DPP10: variants seen among roughly 807,000 people sequenced by gnomAD.
DPP10 encodes the protein dipeptidyl peptidase like 10.
A neutral mutation model predicts 120.9 loss-of-function variants in DPP10; 33 were observed. That is an observed-to-expected ratio of 0.27 (90% CI 0.21 to 0.37). The LOEUF is 0.37. Ranked by LOEUF, DPP10 falls within the 10% of genes least tolerant of loss-of-function variation. The probability of loss-of-function intolerance (pLI) is 1.00; values close to 1 mark genes in which losing one functional copy is unlikely to be tolerated. For missense variants in DPP10, 816 were observed against 942.8 expected (o/e 0.87, Z 1.76); for synonymous variants, 337 against 326.1 (o/e 1.03, Z -0.36).
At chr2:115,679,371 T>G (rs2090497237) in intron 5 of DPP10, among the ~76,000 whole-genome samples, 1 of 152,174 alleles carries the variant, frequency 6.6e-6, no homozygotes, top group Non-Finnish European at 1.5e-5. Context: ...TCAGGAGATC[T>G]GATGGTTTTA....
intron 1 of DPP10, among the ~76,000 whole-genome samples, chr2:114,505,826 A>G (rs1190648622): frequency 6.6e-6 from 1 of 152,124 alleles, no homozygotes; most frequent in Non-Finnish European, 1.5e-5. Context: ...ATGAACTTAT[A>G]TGGTAGCTGT....
At chr2:115,639,447 A>G (rs191295478) in intron 5 of DPP10, among the ~76,000 whole-genome samples, 43 of 152,300 alleles carry the variant, frequency 2.8e-4, no homozygotes, top group African/African-American at 8.9e-4. Flanking sequence ...ACAGTGGCAA[A>G]CAGGAGTAAC....
At chr2:115,416,179 A>T (rs983351687) in intron 3 of DPP10, among the ~76,000 whole-genome samples, 1 of 152,086 alleles carries the variant, frequency 6.6e-6, no homozygotes, top group African/African-American at 2.4e-5. Context: ...GGCCACCCCA[A>T]TGGCTGTCAA....
At chr2:115,518,515 T>C (rs1400262234) in intron 4 of DPP10, among the ~76,000 whole-genome samples, 1 of 152,130 alleles carries the variant, frequency 6.6e-6, no homozygotes, top group African/African-American at 2.4e-5. Context: ...TTTTTTTACT[T>C]AATATTGGAC....
chr2:114,776,139 A>C (rs556757408), intron 1 of DPP10, among the ~76,000 whole-genome samples: 1 of 152,350 alleles, frequency 6.6e-6, no homozygotes, highest in East Asian at 1.9e-4. Context: ...AAAAATAAAG[A>C]GACAAAGTGT....
intron 1 of DPP10, among the ~76,000 whole-genome samples, chr2:115,236,549 T>A (rs1027144509): frequency 2.0e-5 from 3 of 152,220 alleles, no homozygotes; most frequent in Non-Finnish European, 4.4e-5. Flanking sequence ...CATTATTAAC[T>A]GATCACGGCA....
At chr2:114,751,572 G>C (rs1443791388) in intron 1 of DPP10, among the ~76,000 whole-genome samples, 1 of 152,192 alleles carries the variant, frequency 6.6e-6, no homozygotes, top group Non-Finnish European at 1.5e-5. Flanking sequence ...AGTGGAATGA[G>C]ATACAATAAG....
intron 1 of DPP10, among the ~76,000 whole-genome samples, chr2:115,229,218 A>C (rs911678907): frequency 6.6e-6 from 1 of 152,020 alleles, no homozygotes; most frequent in African/African-American, 2.4e-5. Context: ...TTTTAATTGC[A>C]TTATTAGACT....
chr2:115,602,445 C>T (rs1350543801), intron 5 of DPP10, among the ~76,000 whole-genome samples: 3 of 152,114 alleles, frequency 2.0e-5, no homozygotes, highest in African/African-American at 7.2e-5. Flanking sequence ...TTCTATTTAT[C>T]GTTACTTCTG....
At chr2:115,489,347 CCAAA>C (rs1374609095) in intron 3 of DPP10, among the ~76,000 whole-genome samples, 5 of 151,708 alleles carry the variant, frequency 3.3e-5, no homozygotes, top group African/African-American at 9.7e-5. Flanking sequence ...CCCCAACAGA[CCAAA>C]CAGACTCTCT....
chr2:114,903,200 C>A (rs1280566770), intron 1 of DPP10, among the ~76,000 whole-genome samples: 1 of 152,160 alleles, frequency 6.6e-6, no homozygotes, highest in Non-Finnish European at 1.5e-5. Context: ...CATTTACCTA[C>A]TGAAGGGCAT....
At chr2:115,121,335 G>GAGGAGAGTTGCTTAGAGA in intron 1 of DPP10, among the ~76,000 whole-genome samples, 1 of 152,192 alleles carries the variant, frequency 6.6e-6, no homozygotes, top group Non-Finnish European at 1.5e-5. Flanking sequence ...ACAGGATTTG[G>GAGGAGAGTTGCTTAGAGA]AGGAGAGTTG....
intron 3 of DPP10, among the ~76,000 whole-genome samples, chr2:115,493,258 T>C (rs1007476921): frequency 6.6e-6 from 1 of 151,730 alleles, no homozygotes; most frequent in African/African-American, 2.4e-5. Context: ...AAGAACAATA[T>C]AAATATAGGA....
chr2:115,029,931 G>T (rs1703724651), intron 1 of DPP10, among the ~76,000 whole-genome samples: 1 of 152,166 alleles, frequency 6.6e-6, no homozygotes, highest in Non-Finnish European at 1.5e-5. Context: ...AACTCAGGTA[G>T]TTTTGTCGGG....
At chr2:115,589,612 T>C (rs753770961) in intron 5 of DPP10, among the ~76,000 whole-genome samples, 1 of 152,160 alleles carries the variant, frequency 6.6e-6, no homozygotes, top group Admixed American at 6.5e-5. Flanking sequence ...ATCAAAAGGC[T>C]GAAATGACAC....
At chr2:115,088,179 A>G (rs1708884996) in intron 1 of DPP10, among the ~76,000 whole-genome samples, 1 of 152,110 alleles carries the variant, frequency 6.6e-6, no homozygotes, top group Admixed American at 6.5e-5. Context: ...CTCATGACCT[A>G]ATCACCTCCT....
chr2:115,151,921 T>C (rs541074874), intron 1 of DPP10, among the ~76,000 whole-genome samples: 22 of 152,216 alleles, frequency 1.4e-4, no homozygotes, highest in South Asian at 2.1e-4. Flanking sequence ...TATATCCTCT[T>C]ATTTTCCTTC....
intron 5 of DPP10, among the ~76,000 whole-genome samples, chr2:115,687,940 C>A (rs7561123): frequency 0.63 from 96,138 of 151,630 alleles, 32,604 homozygotes; most frequent in East Asian, 0.91. Flanking sequence ...CCCTCTTTCC[C>A]CCCACGATAT....
intron 1 of DPP10, among the ~76,000 whole-genome samples, chr2:114,921,564 T>G (rs1428567152): frequency 6.6e-6 from 1 of 152,190 alleles, no homozygotes; most frequent in Non-Finnish European, 1.5e-5. Context: ...AGACTCATAA[T>G]GAAAATATTT....
Sources: allele counts gnomAD v4.1 joint callset (sites outside exome capture counted in the v4.1 genomes callset), GRCh38; gene constraint gnomAD v4.1.1; transcripts MANE v1.5; gene names NCBI Gene and HGNC (gene_info 2026-07-23, HGNC 2026-07-21).